Variants in PCSK2 observed in about 807,000 individuals in gnomAD.
PCSK2 encodes proprotein convertase subtilisin/kexin type 2.
Under a neutral mutation model 69.7 loss-of-function variants are expected in PCSK2, and 14 were observed. The ratio of observed to expected loss-of-function variants is 0.20; its 90% CI spans 0.13 to 0.31. The LOEUF (loss-of-function observed/expected upper bound fraction) is 0.31, where lower values mean the gene tolerates loss of function less well. Ranked by LOEUF, PCSK2 falls within the 10% of genes least tolerant of loss-of-function variation. The pLI is 1.00. For missense variants in PCSK2, 544 were observed against 842.5 expected, an observed-to-expected ratio of 0.65 and a Z score of 4.39; for synonymous variants, 307 against 320.7, an observed-to-expected ratio of 0.96 and a Z score of 0.46.
At chr20:17,469,097 C>T (rs956200086) in intron 11 of PCSK2, among the ~76,000 whole-genome samples, 9 of 152,250 alleles carry the variant, frequency 5.9e-5, no homozygotes, top group South Asian at 2.1e-4. Context: ...AATAGCTACT[C>T]TGCACAGTTC....
intron 4 of PCSK2, among the ~76,000 whole-genome samples, chr20:17,365,199 T>C (rs1210836769): frequency 6.6e-6 from 1 of 152,190 alleles, no homozygotes; most frequent in Non-Finnish European, 1.5e-5. Flanking sequence ...TGGCCCCTTG[T>C]TGCTCCATCC....
intron 2 of PCSK2, among the ~76,000 whole-genome samples, chr20:17,282,250 A>C (rs1334597590): frequency 3.3e-5 from 5 of 151,374 alleles, no homozygotes; most frequent in Admixed American, 3.3e-4. Flanking sequence ...CACACACATA[A>C]ACACACACAC....
chr20:17,288,515 G>C (rs973684308), intron 2 of PCSK2, among the ~76,000 whole-genome samples: 2 of 152,150 alleles, frequency 1.3e-5, no homozygotes, highest in African/African-American at 2.4e-5. Context: ...GGGCTGAATT[G>C]TTTCCCCCCA....
intron 6 of PCSK2, among the ~76,000 whole-genome samples, chr20:17,421,807 T>TTA (rs2032132866): frequency 7.6e-5 from 6 of 78,968 alleles, no homozygotes; most frequent in South Asian, 8.8e-4. Context: ...GGAAGAGAGG[T>TTA]AAAAAAAAAA....
chr20:17,397,126 T>C (rs2031528171), intron 5 of PCSK2, among the ~76,000 whole-genome samples: 1 of 152,222 alleles, frequency 6.6e-6, no homozygotes, highest in Non-Finnish European at 1.5e-5. Flanking sequence ...TACTATACTG[T>C]TAACTTTTAT....
intron 2 of PCSK2, among the ~76,000 whole-genome samples, chr20:17,294,337 ACCTCGTGATCCACCCGCCTCGG>A (rs1327322264): frequency 1.9e-4 from 28 of 151,048 alleles, no homozygotes; most frequent in African/African-American, 6.6e-4. Flanking sequence ...CGATCTCCTG[ACCTCGTGATCCACCCGCCTCGG>A]CCTCCCAAAG....
intron 2 of PCSK2, among the ~76,000 whole-genome samples, chr20:17,284,848 T>C (rs1988457194): frequency 6.6e-6 from 1 of 152,112 alleles, no homozygotes; most frequent in African/African-American, 2.4e-5. Flanking sequence ...GGGTGAAGAG[T>C]ACAGAGTGAA....
chr20:17,261,601 T>G (rs976472155), intron 2 of PCSK2, among the ~76,000 whole-genome samples: 2 of 152,190 alleles, frequency 1.3e-5, no homozygotes, highest in Non-Finnish European at 2.9e-5. Context: ...GGATCTGTCA[T>G]AGAAGCCGGC....
intron 1 of PCSK2, among the ~76,000 whole-genome samples, chr20:17,239,899 G>A (rs964723400): frequency 9.4e-5 from 12 of 127,200 alleles, no homozygotes; most frequent in Admixed American, 2.8e-4. Flanking sequence ...CTGTTGCCAG[G>A]CTGGAGTGCA....
At chr20:17,465,256 A>G (rs1176855159) in intron 10 of PCSK2, 70 bp from the exon 11 acceptor site, 2 of 1,020,002 alleles carry the variant, frequency 2.0e-6, no homozygotes, top group Admixed American at 3.8e-5. Flanking sequence ...TCTCTTAATC[A>G]TTGTGCCTCT....
intron 11 of PCSK2, among the ~76,000 whole-genome samples, chr20:17,475,522 G>A (rs1010320976): frequency 4.6e-5 from 7 of 152,102 alleles, no homozygotes; most frequent in African/African-American, 1.4e-4. Context: ...GAAACTTCAT[G>A]TATGGTGGGC....
In PCSK2 at chr20:17,233,631, G is replaced by T. The variant is rs149000389; in HGVS notation, c.177+6149G>T. ...GAGGAGAATGCAGTACAGTTACCAT[G>T]AGAAAGCCCATTCAGGCCATGGGAA... On this transcript the variant is annotated intron_variant, in intron 1 of 11. Coordinates refer to ENST00000262545, the MANE Select transcript of PCSK2 (RefSeq NM_002594.5). Among the ~76,000 whole-genome samples the T allele has an allele frequency of 3.6e-3, 552 of 152,250 alleles. 5 individuals are homozygous for T. The highest frequency in any genetic ancestry group is 0.012 in the African/African-American group (503 of 41,542).
At position 17,303,507 on chromosome 20, in the gene PCSK2, A is replaced by T. The variant is rs1487582226; in HGVS notation, c.282+43163A>T. The stretch of plus-strand genomic sequence containing the variant: ...ATATATTATATTTAATATAATATAT[A>T]TTATATATAATATAATATATATTAT... On this transcript the variant is annotated intron_variant, in intron 2 of 11. Coordinates refer to ENST00000262545, the MANE Select transcript of PCSK2 (RefSeq NM_002594.5). Among the ~76,000 whole-genome samples the T allele has an allele frequency of 2.0e-4, 8 of 40,952 alleles. No individual in the cohort carries two copies. In the East Asian group the frequency reaches 0.011, roughly 55 times the overall value. The allele number at this position is 40,952 out of a possible 152,430, so 26.9% of individuals were successfully genotyped here.
At chr20:17,426,283 C>T (rs1452165877) in intron 6 of PCSK2, among the ~76,000 whole-genome samples, 1 of 152,140 alleles carries the variant, frequency 6.6e-6, no homozygotes, top group African/African-American at 2.4e-5. Flanking sequence ...CTCCTTCCTG[C>T]CACCCTGTGA....
chr20:17,277,915 G>A (rs569861803), intron 2 of PCSK2, among the ~76,000 whole-genome samples: 2 of 152,180 alleles, frequency 1.3e-5, no homozygotes, highest in African/African-American at 4.8e-5. Context: ...CGAAGGATAT[G>A]AACAGACACT....
intron 2 of PCSK2, among the ~76,000 whole-genome samples, chr20:17,282,867 T>C (rs1189344148): frequency 6.6e-6 from 1 of 152,200 alleles, no homozygotes; most frequent in Non-Finnish European, 1.5e-5. Context: ...GGGAGGCTTG[T>C]AGATAAGCTG....
At chr20:17,275,035 T>C (rs1256613539) in intron 2 of PCSK2, among the ~76,000 whole-genome samples, 2 of 150,598 alleles carry the variant, frequency 1.3e-5, no homozygotes, top group Non-Finnish European at 3.0e-5. Flanking sequence ...ATAGGAACCA[T>C]AATCATTAGG....
intron 6 of PCSK2, among the ~76,000 whole-genome samples, chr20:17,419,119 A>G (rs770613090): frequency 2.3e-4 from 35 of 152,244 alleles, no homozygotes; most frequent in Non-Finnish European, 4.6e-4. Flanking sequence ...ACTTTAAACC[A>G]TCATCTCATA....
intron 7 of PCSK2, among the ~76,000 whole-genome samples, chr20:17,436,036 C>G (rs541223296): frequency 1.8e-4 from 27 of 152,330 alleles, no homozygotes; most frequent in African/African-American, 6.3e-4. Context: ...TGTGAGAAAT[C>G]ACTCCCACGA....
Sources: gnomAD v4.1 joint callset for allele counts (sites outside exome capture counted in the v4.1 genomes callset) on GRCh38, gnomAD v4.1.1 for gene constraint, MANE v1.5 for transcripts, NCBI Gene and HGNC (gene_info 2026-07-23, HGNC 2026-07-21) for gene names.